Variants in PLBD2 observed in about 807,000 individuals in gnomAD.
PLBD2 encodes the protein putative aminopeptidase PLBD2.
Under a neutral mutation model 68.3 loss-of-function variants are expected in PLBD2, and 51 were observed. The ratio of observed to expected loss-of-function variants is 0.75; its 90% CI spans 0.60 to 0.94. The LOEUF (loss-of-function observed/expected upper bound fraction) is 0.94. Among genes scored for constraint, PLBD2 ranks in the 40% least tolerant of loss-of-function variants. The pLI, the probability that PLBD2 is intolerant of heterozygous loss-of-function variation, is 0.00. For missense variants in PLBD2, 729 were observed against 792.2 expected (o/e 0.92, Z 0.96); for synonymous variants, 314 against 339.3 (o/e 0.93, Z 0.82).
chr12:113,381,827 AT>A (rs889011824), intron 6 of PLBD2, among the ~76,000 whole-genome samples: 4 of 151,210 alleles, frequency 2.6e-5, no homozygotes, highest in Admixed American at 2.6e-4. Flanking sequence ...TTATTTATTT[AT>A]TTTTTTTCAT....
chr12:113,385,499 G>A (rs1368202800), intron 9 of PLBD2, among the ~76,000 whole-genome samples: 1 of 152,216 alleles, frequency 6.6e-6, no homozygotes, highest in African/African-American at 2.4e-5. Flanking sequence ...AGAGCAGGGT[G>A]GTGTGGGGTG....
In PLBD2 at chr12:113,390,312, A is replaced by G. The variant is rs971020626; in HGVS notation, c.*1686A>G. 10 of 150,122 alleles carry G rather than the reference A, an allele frequency of 6.7e-5. No homozygotes were observed. The highest frequency in any genetic ancestry group is 1.2e-4 in the African/African-American group (5 of 40,610). 9.3% of individuals were successfully genotyped at this position (150,122 alleles called of 1,614,324 possible). The stretch of plus-strand genomic sequence containing the variant: ...CACCTATCCACCCATCCACCTACCT[A>G]TTTGTCACCCATCCACCCATCCATC... On this transcript the variant is annotated 3_prime_UTR_variant, in exon 12 of 12. Coordinates refer to ENST00000280800, the MANE Select transcript of PLBD2 (RefSeq NM_173542.4).
Position 113,384,820 on chromosome 12 carries a change from CT to C in PLBD2, c.1119-30del. 1 of 1,592,504 alleles carries C rather than the reference CT, an allele frequency of 6.3e-7. No individual in the cohort carries two copies. Among genetic ancestry groups the C allele is most frequent in the Middle Eastern group, 1.7e-4 (1 of 6,026 alleles). On this transcript the variant is annotated intron_variant, in intron 7 of 11. Transcript: ENST00000280800. This position sits in a 1 kb window ranked among gnomAD's most constrained non-coding sequence, Gnocchi z 4.2. Reference sequence around the variant, plus strand: ...AAAGCTGGGGAGGTGGCTCCAGGCTCTGTTCAGTCCTCCCTTCCCCTGCCCG... The same window carrying C: ...AAAGCTGGGGAGGTGGCTCCAGGCTCGTTCAGTCCTCCCTTCCCCTGCCCG...
chr12:113,369,107 C>T lies in PLBD2; in HGVS notation c.291-9C>T, dbSNP rs1241001854. 6.3e-7 allele frequency: 1 copy of T among 1,581,614 alleles called. No individual in the cohort carries two copies. The highest frequency in any genetic ancestry group is 1.2e-5 in the South Asian group (1 of 86,398). On this transcript the variant is annotated splice_polypyrimidine_tract_variant and intron_variant, in intron 1 of 11. Transcript: ENST00000280800. ...GCTGCTGACTGAGTGTCCCCTCCTT[C>T]CCCTCCAGGTGGGCCTTCCTGGAGC...
intron 5 of PLBD2, among the ~76,000 whole-genome samples, chr12:113,378,083 GGTCA>G (rs771707956): frequency 2.0e-4 from 30 of 152,202 alleles, no homozygotes; most frequent in Non-Finnish European, 3.8e-4. Flanking sequence ...GAACACTTGA[GGTCA>G]GGAGTTCGAG....
At chr12:113,387,165 C>A in intron 10 of PLBD2, 76 bp downstream of exon 10, 1 of 1,469,588 alleles carries the variant, frequency 6.8e-7, no homozygotes, top group South Asian at 1.4e-5. Context: ...CTTTTTGTAC[C>A]AACTCATTCA....
chr12:113,387,640 T>C, intron 10 of PLBD2, 104 bp from the exon 11 acceptor site: 1 of 1,311,070 alleles, frequency 7.6e-7, no homozygotes. Flanking sequence ...GCTCATCAAG[T>C]TGAAGGCTGG....
At chr12:113,363,264 A>G (rs934267673) in intron 1 of PLBD2, among the ~76,000 whole-genome samples, 13 of 152,036 alleles carry the variant, frequency 8.6e-5, no homozygotes, top group African/African-American at 3.1e-4. Flanking sequence ...GTGAGACCCT[A>G]TCTCTGCAAA....
Position 113,387,928 on chromosome 12 carries a change from C to G in PLBD2, c.1602+22C>G, listed in dbSNP as rs1039396064. 5 of 1,611,314 alleles carry G rather than the reference C, an allele frequency of 3.1e-6. No individual in the cohort carries two copies. In the African/African-American group the frequency reaches 6.7e-5, roughly 22 times the overall value. Reference sequence around the variant, plus strand: ...GAAGGTGCTGCCTCCTCCCTAGGGCCTGAGCTGTGGGTGGGGGAAGTCACC... The same window carrying G: ...GAAGGTGCTGCCTCCTCCCTAGGGCGTGAGCTGTGGGTGGGGGAAGTCACC... On this transcript the variant is annotated intron_variant, in intron 11 of 11. Transcript: ENST00000280800.
At chr12:113,361,130 A>G (rs1232725907) in intron 1 of PLBD2, among the ~76,000 whole-genome samples, 1 of 151,986 alleles carries the variant, frequency 6.6e-6, no homozygotes, top group Admixed American at 6.6e-5. Context: ...CCTGATCAGC[A>G]GAATCTCTGA....
At chr12:113,380,691 G>C in intron 5 of PLBD2, 54 bp from the exon 6 acceptor site, 1 of 1,421,710 alleles carries the variant, frequency 7.0e-7, no homozygotes, top group Non-Finnish European at 9.6e-7. Context: ...AGGGTGCAGG[G>C]GCCTCCACCT....
Position 113,390,091 on chromosome 12 carries a change from A to G in PLBD2, c.*1465A>G. 1 of 152,240 alleles carries G rather than the reference A, an allele frequency of 6.6e-6. No homozygotes were observed. Among genetic ancestry groups the G allele is most frequent in the Non-Finnish European group, 1.5e-5 (1 of 68,036 alleles). 9.4% of individuals were successfully genotyped at this position (152,240 alleles called of 1,614,324 possible). ...CATCCATCCACCTATGAGATCAGAC[A>G]GGGAGGGATCCTTTTTTGTATTGGT... On this transcript the variant is annotated 3_prime_UTR_variant, in exon 12 of 12. Transcript: ENST00000280800.
In PLBD2 at chr12:113,387,074, T is replaced by C. The variant is rs201934837; in HGVS notation, c.1424T>C (p.Met475Thr). ...NQSLVQDMDS[M>T]VRLMRYNDFL... is the part of the protein sequence containing the mutation. Reference sequence around the variant, plus strand: ...TCACTGGTACAAGACATGGACTCCATGGTCAGGCTGATGAGGTAGGTGCCA... The same window carrying C: ...TCACTGGTACAAGACATGGACTCCACGGTCAGGCTGATGAGGTAGGTGCCA... The change falls in exon 10 of 12, where the codon ATG becomes ACG. Residue 475 changes from methionine (M) to threonine (T), a missense_variant. Coordinates refer to ENST00000280800, the MANE Select transcript of PLBD2 (RefSeq NM_173542.4). 3 of 1,596,108 alleles carry C rather than the reference T, an allele frequency of 1.9e-6. No homozygotes were observed. The highest frequency in any genetic ancestry group is 2.6e-6 in the Non-Finnish European group (3 of 1,171,786).
chr12:113,364,195 G>A (rs536104502), intron 1 of PLBD2, among the ~76,000 whole-genome samples: 2 of 152,226 alleles, frequency 1.3e-5, no homozygotes, highest in Non-Finnish European at 2.9e-5. Flanking sequence ...ACCACTGCCC[G>A]TCTCCGGGGC....
rs375696762 is a variant in PLBD2, at chr12:113,362,241, C to T, written c.290+3351C>T. Among the ~76,000 whole-genome samples the T allele has an allele frequency of 4.0e-5, 6 of 151,856 alleles. No homozygotes were observed. In the East Asian group the frequency reaches 5.8e-4, roughly 15 times the overall value. On this transcript the variant is annotated intron_variant, in intron 1 of 11. Coordinates refer to ENST00000280800, the MANE Select transcript of PLBD2 (RefSeq NM_173542.4). ...GCGCATGCCTGTGGTCCCAGCTACTCGTTTGAGCCTGGGAAGTCGAGGCTG... is the reference window on the plus strand; with the variant it reads ...GCGCATGCCTGTGGTCCCAGCTACTTGTTTGAGCCTGGGAAGTCGAGGCTG...
intron 5 of PLBD2, among the ~76,000 whole-genome samples, chr12:113,377,531 T>G (rs1241979099): frequency 6.6e-6 from 1 of 152,180 alleles, no homozygotes; most frequent in African/African-American, 2.4e-5. Flanking sequence ...GTTCAAGCGA[T>G]TCTTCTGCCT....
rs183678191 is a variant in PLBD2, at chr12:113,386,943, C to G, written c.1293C>G (p.Phe431Leu). Residue 431 changes from phenylalanine to leucine, a missense_variant, in exon 10 of 12, where the codon TTC becomes TTG. Physicochemically the swap from Phe to Leu is conservative, Grantham distance 22 (BLOSUM62 0). Transcript: ENST00000280800. ...TYWASYNIPS[F>L]ETVFNASGLQ... ...CCATCCTTGTCCCCGGCAGGTCCTT[C>G]GAGACTGTGTTCAATGCCAGTGGGC... 6.2e-7 allele frequency: 1 copy of G among 1,613,102 alleles called. No individual in the cohort carries two copies.
intron 2 of PLBD2, among the ~76,000 whole-genome samples, chr12:113,370,101 T>C (rs1957375601): frequency 6.6e-6 from 1 of 152,138 alleles, no homozygotes; most frequent in Non-Finnish European, 1.5e-5. Flanking sequence ...GATTTCGCCC[T>C]GTTGGCCAGG....
At chr12:113,374,650 C>A in intron 4 of PLBD2, 76 bp downstream of exon 4, 4 of 1,462,970 alleles carry the variant, frequency 2.7e-6, no homozygotes, top group Non-Finnish European at 2.8e-6. Context: ...TGGGTTCCAG[C>A]ATCAACCTTG....
Sources: allele counts gnomAD v4.1 joint callset (sites outside exome capture counted in the v4.1 genomes callset), GRCh38; gene constraint gnomAD v4.1.1; non-coding constraint Gnocchi (gnomAD v3.1); transcripts MANE v1.5; gene names NCBI Gene and HGNC (gene_info 2026-07-23, HGNC 2026-07-21).